Variants in HORMAD2 observed in about 807,000 individuals in gnomAD.
The protein encoded by HORMAD2 is HORMA domain-containing protein 2.
A neutral mutation model predicts 38.8 loss-of-function variants in HORMAD2; 45 were observed. The observed-to-expected ratio is 1.16, with a 90% CI of 0.91 to 1.49. The LOEUF is 1.49. Among genes scored for constraint, HORMAD2 ranks in the 40% most tolerant of loss-of-function variants. The pLI is 0.00. For missense variants in HORMAD2, 338 were observed against 367.0 expected, an observed-to-expected ratio of 0.92 and a Z score of 0.65; for synonymous variants, 126 against 122.8, an observed-to-expected ratio of 1.03 and a Z score of -0.17.
At chr22:30,166,006 T>G (rs1925758459) in intron 10 of HORMAD2, among the ~76,000 whole-genome samples, 1 of 151,600 alleles carries the variant, frequency 6.6e-6, no homozygotes. Context: ...TTTTTTATTC[T>G]CTTTATTATT....
chr22:30,185,130 A>T, the HORMAD2 span, among the ~76,000 whole-genome samples: 1 of 152,170 alleles, frequency 6.6e-6, no homozygotes, highest in Non-Finnish European at 1.5e-5. Flanking sequence ...AGTACCTGTG[A>T]TCCCTCTGCC....
chr22:30,190,054 C>T, the HORMAD2 span, among the ~76,000 whole-genome samples: 2 of 152,184 alleles, frequency 1.3e-5, no homozygotes, highest in East Asian at 1.9e-4. Context: ...TCTAATACCC[C>T]AGTCCTCTCA....
intron 10 of HORMAD2, among the ~76,000 whole-genome samples, chr22:30,130,210 A>G (rs1923177604): frequency 6.6e-6 from 1 of 152,164 alleles, no homozygotes; most frequent in Non-Finnish European, 1.5e-5. Context: ...TTTCTTTTTC[A>G]GGTAATTCCT....
intron 6 of HORMAD2, 69 bp downstream of exon 6, chr22:30,111,885 T>A: frequency 8.1e-7 from 1 of 1,237,210 alleles, no homozygotes; most frequent in Non-Finnish European, 1.1e-6. Flanking sequence ...AGTGAAACAT[T>A]AAAACAGTAC....
chr22:30,198,034 A>AT, the HORMAD2 span, among the ~76,000 whole-genome samples: 55 of 150,692 alleles, frequency 3.6e-4, no homozygotes, highest in Admixed American at 3.6e-3. Context: ...TAAAAAAAAA[A>AT]TTTAGCTGGG....
At chr22:30,103,762 A>G (rs1920992328) in intron 4 of HORMAD2, among the ~76,000 whole-genome samples, 1 of 139,024 alleles carries the variant, frequency 7.2e-6, no homozygotes, top group South Asian at 2.2e-4. Context: ...TCCCAGGTTC[A>G]AGTGATTCTC....
chr22:30,114,247 C>G (rs1482787909), intron 7 of HORMAD2, among the ~76,000 whole-genome samples: 2 of 152,032 alleles, frequency 1.3e-5, no homozygotes, highest in Non-Finnish European at 2.9e-5. Context: ...CAGAGTGTTC[C>G]CCTTATGGGT....
intron 2 of HORMAD2, among the ~76,000 whole-genome samples, chr22:30,097,455 G>A (rs1323008821): frequency 6.6e-6 from 1 of 152,144 alleles, no homozygotes; most frequent in African/African-American, 2.4e-5. Flanking sequence ...AAATTTAGCA[G>A]GAAGCTATTC....
chr22:30,157,738 A>C (rs1925171448), intron 10 of HORMAD2, among the ~76,000 whole-genome samples: 2 of 152,154 alleles, frequency 1.3e-5, no homozygotes, highest in South Asian at 4.1e-4. Flanking sequence ...TGTAACTGAG[A>C]TTTGAAGTGA....
chr22:30,093,184 G>C (rs2068722572), intron 1 of HORMAD2, among the ~76,000 whole-genome samples: 2 of 152,050 alleles, frequency 1.3e-5, no homozygotes, highest in Admixed American at 1.3e-4. Context: ...GTGTTCTGTA[G>C]TTTCATTGTA....
At chr22:30,167,559 A>G (rs1016535808) in intron 10 of HORMAD2, among the ~76,000 whole-genome samples, 11 of 152,170 alleles carry the variant, frequency 7.2e-5, no homozygotes, top group Non-Finnish European at 1.6e-4. Context: ...TTGTGTAGGC[A>G]TTAGGAGACG....
At chr22:30,088,195 GTATACATATATACATATATACACATA>G (rs1569079645) in intron 1 of HORMAD2, among the ~76,000 whole-genome samples, 12 of 146,190 alleles carry the variant, frequency 8.2e-5, no homozygotes, top group Middle Eastern at 3.4e-3. Context: ...ATATACCTAT[GTATACATATATACATATATACACATA>G]TATACATATA....
chr22:30,157,447 C>CT lies in HORMAD2; in HGVS notation c.820-18603dup, dbSNP rs879659063. Among the ~76,000 whole-genome samples the CT allele has an allele frequency of 7.0e-3, 1,019 of 144,700 alleles. 10 individuals are homozygous for CT. The highest frequency in any genetic ancestry group is 0.021 in the African/African-American group (839 of 39,740). 94.9% of individuals were successfully genotyped at this position (144,700 alleles called of 152,430 possible). ...TACATGGCAAATATTATCCCCCTCC[C>CT]TTTTTTTTTTTTTAACAGTGATGGA... On this transcript the variant is annotated intron_variant, in intron 10 of 10. Transcript: ENST00000336726.
intron 10 of HORMAD2, among the ~76,000 whole-genome samples, chr22:30,133,698 C>G (rs1396680361): frequency 6.6e-6 from 1 of 150,878 alleles, no homozygotes; most frequent in South Asian, 2.1e-4. Flanking sequence ...GACTTTTTTT[C>G]TTGTCCCCCA....
rs147727191 is a variant in HORMAD2, at chr22:30,144,849, A to G, written c.819+22635A>G. ...AGCCCCCACCTCATGGCCATACTCA[A>G]CATAGAATTTAGCAATAGCTGGAGG... On this transcript the variant is annotated intron_variant, in intron 10 of 10. Coordinates refer to ENST00000336726, the MANE Select transcript of HORMAD2 (RefSeq NM_152510.4). 5.3e-5 allele frequency among the ~76,000 whole-genome samples: 8 copies of G among 152,076 alleles called. No individual in the cohort carries two copies. In the East Asian group the frequency reaches 1.2e-3, roughly 22 times the overall value.
At chr22:30,206,431 T>G in the HORMAD2 span, among the ~76,000 whole-genome samples, 2 of 152,196 alleles carry the variant, frequency 1.3e-5, no homozygotes, top group Non-Finnish European at 2.9e-5. Flanking sequence ...GTGCTGGGAT[T>G]ACAGGCATGA....
At chr22:30,144,068 A>C (rs1601569075) in intron 10 of HORMAD2, among the ~76,000 whole-genome samples, 1 of 152,136 alleles carries the variant, frequency 6.6e-6, no homozygotes, top group African/African-American at 2.4e-5. Flanking sequence ...CAAGCCTCAG[A>C]TATTTCTTTG....
intron 5 of HORMAD2, among the ~76,000 whole-genome samples, chr22:30,109,901 AG>A (rs929848117): frequency 2.0e-5 from 3 of 152,192 alleles, no homozygotes; most frequent in African/African-American, 7.2e-5. Flanking sequence ...TTTTAAGGGT[AG>A]GGATAGTTAT....
intron 1 of HORMAD2, among the ~76,000 whole-genome samples, chr22:30,084,920 C>T (rs1248088669): frequency 4.6e-5 from 7 of 152,038 alleles, no homozygotes; most frequent in African/African-American, 9.6e-5. Context: ...CCGAGGCGGG[C>T]GGATCATGAG....
Sources: allele counts gnomAD v4.1 joint callset (sites outside exome capture counted in the v4.1 genomes callset), GRCh38; gene constraint gnomAD v4.1.1; transcripts MANE v1.5; gene names NCBI Gene and HGNC (gene_info 2026-07-23, HGNC 2026-07-21).